COL4A5: variants seen among roughly 807,000 people sequenced by gnomAD.
COL4A5 encodes collagen alpha-5(IV) chain.
A neutral mutation model predicts 130.2 loss-of-function variants in COL4A5; 26 were observed. The ratio of observed to expected loss-of-function variants is 0.20; its 90% confidence interval spans 0.15 to 0.28. COL4A5 has a LOEUF of 0.28. Among genes scored for constraint, COL4A5 ranks in the 10% least tolerant of loss-of-function variants. The pLI is 1.00. For missense variants in COL4A5, 1,131 were observed against 1,344.3 expected (o/e 0.84, Z 2.48); for synonymous variants, 496 against 439.6 (o/e 1.13, Z -1.60).
chrX:108,589,453 C>T (rs1371972409), intron 19 of COL4A5, among the ~76,000 whole-genome samples: 1 of 110,473 alleles, frequency 9.1e-6, no homozygotes, highest in Non-Finnish European at 1.9e-5. Context: ...GTAACTCCAA[C>T]AAATTTGAAA....
intron 1 of COL4A5, among the ~76,000 whole-genome samples, chrX:108,473,340 T>C (rs921568442): frequency 3.2e-4 from 35 of 107,998 alleles, no homozygotes; most frequent in African/African-American, 1.2e-3. Flanking sequence ...AGTCAGGTAC[T>C]TCAGAAGGTA....
intron 25 of COL4A5, among the ~76,000 whole-genome samples, chrX:108,601,032 G>A (rs757145634): frequency 4.5e-5 from 5 of 111,365 alleles, no homozygotes; most frequent in Non-Finnish European, 9.4e-5. Flanking sequence ...ATCCTTATTC[G>A]TTTCACTGAT....
chrX:108,540,406 T>A (rs1263995328), intron 2 of COL4A5, among the ~76,000 whole-genome samples: 1 of 112,194 alleles, frequency 8.9e-6, no homozygotes, highest in Non-Finnish European at 1.9e-5. Flanking sequence ...ATATCATGTA[T>A]TTTTATCTAG....
rs941834002 is a variant in COL4A5 at position 108,440,273 on chromosome X, G to A, written c.81+67G>A. 4.2e-6 allele frequency: 3 copies of A among 722,371 alleles called. No homozygotes were observed. The South Asian group carries it at 6.7e-5, about 16-fold the overall frequency. 59.5% of individuals were successfully genotyped at this position (722,371 alleles called of 1,213,427 possible). On this transcript the variant is annotated intron_variant, in intron 1 of 52. Coordinates refer to ENST00000328300, the MANE Select transcript of COL4A5 (RefSeq NM_033380.3). ...TCACGCTGAAATTACCTTTTTTTTGGGGGGGGGGTCCCTTTATCTTCCTTT... is the reference window on the plus strand; with the variant it reads ...TCACGCTGAAATTACCTTTTTTTTGAGGGGGGGGTCCCTTTATCTTCCTTT...
At chrX:108,593,827 G>T (rs2066471667) in intron 21 of COL4A5, among the ~76,000 whole-genome samples, 1 of 112,028 alleles carries the variant, frequency 8.9e-6, no homozygotes, top group Non-Finnish European at 1.9e-5. Flanking sequence ...TATTGTAAGT[G>T]TTGGATATTC....
chrX:108,692,797 C>T lies in COL4A5; in HGVS notation c.4578C>T (p.Phe1526=), dbSNP rs1197087581. 1 of 1,209,203 alleles carries T rather than the reference C, an allele frequency of 8.3e-7. No individual in the cohort carries two copies. The highest frequency in any genetic ancestry group is 1.1e-6 in the Non-Finnish European group (1 of 894,693). The change falls in exon 50 of 53, where the codon TTC becomes TTT. Residue 1526 remains phenylalanine (F), a synonymous_variant. Transcript: ENST00000328300. ...GCTTTAGTACCATGCCTTTCATGTT[C>T]TGCAACATCAATAATGTTTGCAACT... ...LRRFSTMPFM[F]CNINNVCNFA...
At chrX:108,602,095 C>G in intron 27 of COL4A5, 106 bp downstream of exon 27, 1 of 488,941 alleles carries the variant, frequency 2.0e-6, no homozygotes, top group African/African-American at 2.4e-5. Flanking sequence ...CACCTTTTTT[C>G]TCTGTGCTAT....
At chrX:108,573,790 C>A (rs904250663) in intron 9 of COL4A5, 136 bp downstream of exon 9, 3 of 489,099 alleles carry the variant, frequency 6.1e-6, no homozygotes, top group Non-Finnish European at 1.1e-5. Flanking sequence ...CATGTACTTT[C>A]TACCTGAAAA....
At chrX:108,556,512 T>C (rs2065824284) in intron 2 of COL4A5, among the ~76,000 whole-genome samples, 1 of 111,409 alleles carries the variant, frequency 9.0e-6, no homozygotes, top group Non-Finnish European at 1.9e-5. Context: ...GAGAGAAATA[T>C]TATTGCACAA....
intron 43 of COL4A5, among the ~76,000 whole-genome samples, chrX:108,676,652 A>G (rs1046186292): frequency 8.9e-6 from 1 of 112,527 alleles, no homozygotes; most frequent in Non-Finnish European, 1.9e-5. Flanking sequence ...TTATTGATTC[A>G]ATAAATTTCT....
chrX:108,517,543 CT>C (rs2065230783), intron 1 of COL4A5, among the ~76,000 whole-genome samples: 1 of 111,430 alleles, frequency 9.0e-6, no homozygotes, highest in African/African-American at 3.3e-5. Flanking sequence ...GTCTGGCTGC[CT>C]TGTGAGTACC....
At chrX:108,617,575 A>G (rs1352746251) in intron 30 of COL4A5, among the ~76,000 whole-genome samples, 1 of 112,114 alleles carries the variant, frequency 8.9e-6, no homozygotes, top group Non-Finnish European at 1.9e-5. Context: ...GCAGGGAAAT[A>G]AAAGAAAAAT....
chrX:108,672,692 G>T (rs186794142), intron 42 of COL4A5, among the ~76,000 whole-genome samples: 1 of 111,809 alleles, frequency 8.9e-6, no homozygotes, highest in African/African-American at 3.2e-5. Flanking sequence ...TTAAAATAGA[G>T]TCTTAGAAGT....
chrX:108,443,896 T>A (rs2064426181), intron 1 of COL4A5, among the ~76,000 whole-genome samples: 1 of 112,297 alleles, frequency 8.9e-6, no homozygotes, highest in African/African-American at 3.2e-5. Flanking sequence ...ATTATTGTTG[T>A]GACATTTGCC....
At chrX:108,591,742 C>T (rs1346637440) in intron 21 of COL4A5, 98 bp downstream of exon 21, 5 of 667,382 alleles carry the variant, frequency 7.5e-6, no homozygotes, top group Middle Eastern at 3.7e-4. Flanking sequence ...GCCACTGACT[C>T]CCATGGTCAT....
chrX:108,477,181 G>A (rs2147519526), intron 1 of COL4A5, among the ~76,000 whole-genome samples: 1 of 111,827 alleles, frequency 8.9e-6, no homozygotes, highest in South Asian at 3.8e-4. Flanking sequence ...ACGCCTAGGA[G>A]CAATGCTTTG....
chrX:108,662,721 A>G (rs968048631), intron 37 of COL4A5, among the ~76,000 whole-genome samples: 1 of 112,060 alleles, frequency 8.9e-6, no homozygotes, highest in Non-Finnish European at 1.9e-5. Context: ...GACACAAACA[A>G]ATGGAAAACA....
In COL4A5 at chrX:108,666,517, A is replaced by G. The variant is rs2068082471; in HGVS notation, c.3476A>G (p.Gln1159Arg). 3.3e-6 allele frequency: 4 copies of G among 1,207,631 alleles called. No homozygotes were observed. The highest frequency in any genetic ancestry group is 4.5e-6 in the Non-Finnish European group (4 of 893,196). ...TTAGGTGGTGGAGGTCATCCTGGGC[A>G]ACCAGGGCCTCCAGGCGAAAAAGGC... Reference protein sequence around the residue: ...GPVGGGGHPGQPGPPGEKGKP... With the variant: ...GPVGGGGHPGRPGPPGEKGKP... The change falls in exon 39 of 53, where the codon CAA becomes CGA. Residue 1159 changes from glutamine (Q) to arginine (R), a missense_variant. Gln to Arg is a conservative substitution (Grantham distance 43, BLOSUM62 1). Coordinates refer to ENST00000328300, the MANE Select transcript of COL4A5 (RefSeq NM_033380.3).
At chrX:108,670,422 C>A in intron 42 of COL4A5, 186 bp downstream of exon 42, 1 of 363,426 alleles carries the variant, frequency 2.8e-6, no homozygotes, top group Non-Finnish European at 3.5e-6. Flanking sequence ...TTGGAAAGAC[C>A]CAAAATTACC....
Sources: allele counts gnomAD v4.1 joint callset (sites outside exome capture counted in the v4.1 genomes callset), GRCh38; gene constraint gnomAD v4.1.1; transcripts MANE v1.5; gene names NCBI Gene and HGNC (gene_info 2026-07-23, HGNC 2026-07-21).